Variants in PDE10A observed in about 807,000 individuals in gnomAD.
PDE10A encodes the protein cAMP and cAMP-inhibited cGMP 3',5'-cyclic phosphodiesterase 10A.
A neutral mutation model predicts 97.7 loss-of-function variants in PDE10A; 39 were observed. The ratio of observed to expected loss-of-function variants is 0.40; its 90% CI spans 0.31 to 0.52. The LOEUF (loss-of-function observed/expected upper bound fraction) is 0.52, where lower values mean the gene tolerates loss of function less well. Among genes scored for constraint, PDE10A ranks in the 20% least tolerant of loss-of-function variants. The pLI, the probability that PDE10A is intolerant of heterozygous loss-of-function variation, is 0.56. For missense variants in PDE10A, 731 were observed against 1,047.8 expected, an observed-to-expected ratio of 0.70 and a Z score of 4.17; for synonymous variants, 371 against 376.8, an observed-to-expected ratio of 0.98 and a Z score of 0.18.
At chr6:165,930,626 G>A (rs560086552) in intron 1 of PDE10A, among the ~76,000 whole-genome samples, 103 of 152,292 alleles carry the variant, frequency 6.8e-4, no homozygotes, top group Middle Eastern at 3.4e-3. Context: ...AGCCCATGCC[G>A]TGCACGCCTT....
At chr6:165,646,068 A>T (rs1259004162) in intron 1 of PDE10A, among the ~76,000 whole-genome samples, 1 of 152,182 alleles carries the variant, frequency 6.6e-6, no homozygotes, top group Non-Finnish European at 1.5e-5. Flanking sequence ...CCTTCTCAGG[A>T]AAATGGGCCA....
intron 10 of PDE10A, among the ~76,000 whole-genome samples, chr6:165,426,482 C>T (rs7742606): frequency 6.6e-6 from 1 of 152,080 alleles, no homozygotes; most frequent in African/African-American, 2.4e-5. Context: ...TAACTCAAAA[C>T]AGATCAAAGA....
chr6:165,586,118 C>G (rs960389760), intron 1 of PDE10A, among the ~76,000 whole-genome samples: 1 of 152,216 alleles, frequency 6.6e-6, no homozygotes. Flanking sequence ...CCCTGCCCCC[C>G]TTTTGCTTTG....
rs141656440 is a variant in PDE10A, at chr6:165,881,179, A to G, written c.-615+106350T>C. Among the ~76,000 whole-genome samples the G allele has an allele frequency of 1.1e-4, 17 of 152,300 alleles. No individual in the cohort carries two copies. The East Asian group carries it at 3.3e-3, about 29-fold the overall frequency. ...TGTTTCACCTTCTTTACTAAACCAG[A>G]ACACCAGGCAATGCTTTGGCTAATA... On this transcript the variant is annotated intron_variant, in intron 1 of 19. Transcript: ENST00000366882.
intron 1 of PDE10A, among the ~76,000 whole-genome samples, chr6:165,970,261 C>G (rs1784628939): frequency 6.6e-6 from 1 of 152,196 alleles, no homozygotes. Flanking sequence ...GGTTCTGGAA[C>G]AGATCTTTTT....
At chr6:165,361,137 T>G (rs1188167557) in intron 18 of PDE10A, among the ~76,000 whole-genome samples, 3 of 152,138 alleles carry the variant, frequency 2.0e-5, no homozygotes, top group East Asian at 3.9e-4. Flanking sequence ...GCCTAAGCAT[T>G]AGAAGTAATA....
chr6:165,943,298 A>AAG (rs1783633844), intron 1 of PDE10A, among the ~76,000 whole-genome samples: 1 of 137,120 alleles, frequency 7.3e-6, no homozygotes. Context: ...AAAGAAGGAA[A>AAG]GAAAGAAAGA....
At chr6:165,586,707 A>G (rs551053633) in intron 1 of PDE10A, among the ~76,000 whole-genome samples, 3 of 152,158 alleles carry the variant, frequency 2.0e-5, no homozygotes, top group Non-Finnish European at 4.4e-5. Context: ...AGCCACCAAA[A>G]TCCATGATTC....
At chr6:165,510,228 T>A (rs974347988) in intron 2 of PDE10A, among the ~76,000 whole-genome samples, 5 of 152,014 alleles carry the variant, frequency 3.3e-5, no homozygotes, top group Admixed American at 3.3e-4. Flanking sequence ...TATATGGTTT[T>A]TATTATTTTG....
chr6:165,391,237 T>C (rs954101477), intron 16 of PDE10A, among the ~76,000 whole-genome samples: 4 of 152,308 alleles, frequency 2.6e-5, no homozygotes, highest in African/African-American at 9.6e-5. Flanking sequence ...TTTTAAATAT[T>C]TACATGTCAT....
rs1779506380 is a variant in PDE10A at position 165,819,410 on chromosome 6, T to C, written c.-615+168119A>G. Among the ~76,000 whole-genome samples, 1 of 152,176 alleles carries C rather than the reference T, an allele frequency of 6.6e-6. No individual in the cohort carries two copies. The highest frequency in any genetic ancestry group is 2.1e-4 in the South Asian group (1 of 4,824). On this transcript the variant is annotated intron_variant, in intron 1 of 19. Transcript: ENST00000366882. The surrounding 1 kb of genome is among the most constrained non-coding windows in gnomAD (Gnocchi z 4.2). The stretch of plus-strand genomic sequence containing the variant: ...TGATGCAGTTGCCGACCCCACCTCC[T>C]GCACTGTTCCATTTCATGCAATCCG...
intron 1 of PDE10A, among the ~76,000 whole-genome samples, chr6:165,606,359 T>C (rs1337551550): frequency 1.3e-5 from 2 of 152,096 alleles, no homozygotes; most frequent in African/African-American, 4.8e-5. Context: ...GATTTGTTTT[T>C]CACTCACTGT....
At chr6:165,897,379 G>C (rs75724604) in intron 1 of PDE10A, among the ~76,000 whole-genome samples, 5,185 of 152,108 alleles carry the variant, frequency 0.034, 112 homozygotes, top group South Asian at 0.12. Context: ...GGGAAGAAAT[G>C]ACCTGAGGAC....
At chr6:165,845,579 A>C (rs1455597647) in intron 1 of PDE10A, among the ~76,000 whole-genome samples, 1 of 152,232 alleles carries the variant, frequency 6.6e-6, no homozygotes, top group Non-Finnish European at 1.5e-5. Context: ...GTTCTGTTGG[A>C]ATCTAGAGGA....
chr6:165,857,938 C>T (rs1219388358), intron 1 of PDE10A, among the ~76,000 whole-genome samples: 1 of 152,172 alleles, frequency 6.6e-6, no homozygotes, highest in Non-Finnish European at 1.5e-5. Flanking sequence ...AAAACTTTCA[C>T]TGATAACTTC....
chr6:165,838,590 A>G (rs1780130285), intron 1 of PDE10A, among the ~76,000 whole-genome samples: 1 of 152,194 alleles, frequency 6.6e-6, no homozygotes, highest in Admixed American at 6.5e-5. Context: ...AGCCCTGAGC[A>G]GCCACTACTT....
chr6:165,870,954 C>T (rs748756426), intron 1 of PDE10A, among the ~76,000 whole-genome samples: 2 of 151,970 alleles, frequency 1.3e-5, no homozygotes, highest in South Asian at 2.1e-4. Flanking sequence ...GGAAAGGCAG[C>T]GGAAATGGGA....
intron 1 of PDE10A, among the ~76,000 whole-genome samples, chr6:165,623,681 T>C (rs1788253715): frequency 6.6e-6 from 1 of 152,174 alleles, no homozygotes; most frequent in Non-Finnish European, 1.5e-5. Flanking sequence ...GGGTCACCAG[T>C]GGCCTCTCAG....
chr6:165,339,713 T>TGGAA (rs1172295955), intron 19 of PDE10A, among the ~76,000 whole-genome samples: 1 of 152,184 alleles, frequency 6.6e-6, no homozygotes, highest in Non-Finnish European at 1.5e-5. Context: ...TTCCAAATGA[T>TGGAA]CTTCCAAGTG....
Sources: allele counts gnomAD v4.1 joint callset (sites outside exome capture counted in the v4.1 genomes callset), GRCh38; gene constraint gnomAD v4.1.1; non-coding constraint Gnocchi (gnomAD v3.1); transcripts MANE v1.5; gene names NCBI Gene and HGNC (gene_info 2026-07-23, HGNC 2026-07-21).